The following MITF variants were observed in gnomAD, a reference collection of about 807,000 sequenced individuals.
MITF encodes melanocyte inducing transcription factor, also known as microphthalmia-associated transcription factor.
Under a neutral mutation model 60.5 loss-of-function variants are expected in MITF, and 17 were observed. The observed-to-expected ratio is 0.28, with a 90% CI of 0.19 to 0.42. The LOEUF is 0.42. Among genes scored for constraint, MITF ranks in the 10% least tolerant of loss-of-function variants. The pLI, the probability that MITF is intolerant of heterozygous loss-of-function variation, is 1.00. For synonymous variants in MITF, 260 were observed against 248.5 expected (o/e 1.05, Z -0.43); for missense variants, 622 against 683.5 (o/e 0.91, Z 1.00).
intron 2 of MITF, among the ~76,000 whole-genome samples, chr3:69,931,524 G>A (rs978716250): frequency 6.6e-6 from 1 of 152,128 alleles, no homozygotes; most frequent in African/African-American, 2.4e-5. Flanking sequence ...GACTTGCTGG[G>A]AATTTTTGAT....
intron 1 of MITF, among the ~76,000 whole-genome samples, chr3:69,766,376 ATTTTTTTTTT>A (rs753953309): frequency 0.27 from 25,999 of 95,034 alleles, 2,953 homozygotes; most frequent in East Asian, 0.55. Context: ...TGCCCAGCTA[ATTTTTTTTTT>A]TTTTTTTTTT....
At chr3:69,824,669 G>C (rs1291707552) in intron 1 of MITF, among the ~76,000 whole-genome samples, 3 of 152,200 alleles carry the variant, frequency 2.0e-5, no homozygotes, top group African/African-American at 7.2e-5. Flanking sequence ...CACAGCACTT[G>C]TGGCTTCTCT....
At chr3:69,931,903 T>C (rs1343251203) in intron 2 of MITF, among the ~76,000 whole-genome samples, 1 of 152,212 alleles carries the variant, frequency 6.6e-6, no homozygotes, top group African/African-American at 2.4e-5. Flanking sequence ...TTTCTAACCC[T>C]GGCAAGTTGT....
chr3:69,925,771 C>T (rs2065571794), intron 2 of MITF, among the ~76,000 whole-genome samples: 1 of 152,188 alleles, frequency 6.6e-6, no homozygotes, highest in Non-Finnish European at 1.5e-5. Context: ...TGCTTCCTAC[C>T]TCAGTATCTG....
At chr3:69,875,632 A>G (rs980119487) in intron 1 of MITF, among the ~76,000 whole-genome samples, 1 of 152,248 alleles carries the variant, frequency 6.6e-6, no homozygotes, top group Non-Finnish European at 1.5e-5. Flanking sequence ...TAGTAGCTTC[A>G]GCATCACGTC....
chr3:69,876,825 A>G (rs372910828), intron 1 of MITF, among the ~76,000 whole-genome samples: 5 of 152,332 alleles, frequency 3.3e-5, no homozygotes, highest in African/African-American at 1.2e-4. Flanking sequence ...TCTTCTAGCC[A>G]AATGGTGATT....
intron 2 of MITF, among the ~76,000 whole-genome samples, chr3:69,910,407 G>C (rs898601879): frequency 6.6e-6 from 1 of 152,206 alleles, no homozygotes; most frequent in African/African-American, 2.4e-5. Flanking sequence ...AGAGTCCCTA[G>C]TGGGACACTG....
At chr3:69,837,466 C>T (rs545548864) in intron 1 of MITF, among the ~76,000 whole-genome samples, 4 of 152,120 alleles carry the variant, frequency 2.6e-5, no homozygotes, top group East Asian at 1.9e-4. Flanking sequence ...AATATATGAC[C>T]GAATAAAAGC....
intron 1 of MITF, among the ~76,000 whole-genome samples, chr3:69,816,134 G>C (rs1575758196): frequency 6.6e-6 from 1 of 152,070 alleles, no homozygotes; most frequent in South Asian, 2.1e-4. Flanking sequence ...TCTAGTAGTT[G>C]CTGTTTGCCC....
chr3:69,832,006 A>G (rs1377842164), intron 1 of MITF, among the ~76,000 whole-genome samples: 1 of 152,206 alleles, frequency 6.6e-6, no homozygotes, highest in Non-Finnish European at 1.5e-5. Flanking sequence ...TTACACTTCC[A>G]TCCACAATGC....
intron 1 of MITF, among the ~76,000 whole-genome samples, chr3:69,792,344 C>G (rs976688725): frequency 6.6e-6 from 1 of 152,158 alleles, no homozygotes; most frequent in Non-Finnish European, 1.5e-5. Context: ...ACAACAGATT[C>G]AAGTTTTCCT....
chr3:69,924,911 T>A (rs1321034935), intron 2 of MITF, among the ~76,000 whole-genome samples: 1 of 152,134 alleles, frequency 6.6e-6, no homozygotes, highest in East Asian at 1.9e-4. Context: ...TCACAATCCA[T>A]CTATGATATT....
intron 1 of MITF, among the ~76,000 whole-genome samples, chr3:69,839,262 G>A (rs1333304598): frequency 3.3e-5 from 5 of 151,436 alleles, no homozygotes; most frequent in African/African-American, 9.7e-5. Flanking sequence ...TCTCCAAGCC[G>A]TTACAAATGA....
At chr3:69,888,303 A>T (rs2064671740) in intron 2 of MITF, among the ~76,000 whole-genome samples, 1 of 152,060 alleles carries the variant, frequency 6.6e-6, no homozygotes, top group Non-Finnish European at 1.5e-5. Context: ...TTTTCTGAAC[A>T]CTGCATGGTA....
intron 2 of MITF, among the ~76,000 whole-genome samples, chr3:69,904,738 G>A (rs1015663915): frequency 4.6e-5 from 7 of 151,996 alleles, no homozygotes; most frequent in East Asian, 1.9e-4. Context: ...TCTTAAGACC[G>A]TCCCAGGTAT....
At chr3:69,815,064 T>C (rs1273831153) in intron 1 of MITF, among the ~76,000 whole-genome samples, 1 of 152,056 alleles carries the variant, frequency 6.6e-6, no homozygotes, top group African/African-American at 2.4e-5. Flanking sequence ...TAACCATAAA[T>C]ACAGTGGGGC....
chr3:69,938,492 T>A, intron 3 of MITF: 2 of 1,461,606 alleles, frequency 1.4e-6, no homozygotes, highest in South Asian at 3.0e-5. Context: ...TCTCCCTGAG[T>A]TGGGGGAAGA....
rs552687373 is a variant in MITF at position 69,779,351 on chromosome 3, A to G, written c.104+39650A>G. On this transcript the variant is annotated intron_variant, in intron 1 of 9. Transcript: ENST00000352241. ...ACATACACAAAAATGCCTCTGAAAC[A>G]AGGGTGGCTATGACACACTGAAGGT... 9.8e-5 allele frequency among the ~76,000 whole-genome samples: 15 copies of G among 152,308 alleles called. 1 individual carries two copies. The South Asian group carries it at 3.1e-3, about 32-fold the overall frequency.
In MITF at chr3:69,968,158, A is replaced by T; in HGVS notation, c.*2910A>T. ...CCTATTTCTTGATAAAAAATGACAA[A>T]TGACTGTCTCTTGCGGATGCTTGGT... On this transcript the variant is annotated 3_prime_UTR_variant, in exon 10 of 10. Coordinates refer to ENST00000352241, the MANE Select transcript of MITF (RefSeq NM_001354604.2). The T allele has an allele frequency of 4.3e-6, 1 of 233,120 alleles. No individual in the cohort carries two copies. Among genetic ancestry groups the T allele is most frequent in the South Asian group, 1.8e-4 (1 of 5,520 alleles). 14.4% of individuals were successfully genotyped at this position (233,120 alleles called of 1,614,324 possible).
Sources: allele counts gnomAD v4.1 joint callset (sites outside exome capture counted in the v4.1 genomes callset), GRCh38; gene constraint gnomAD v4.1.1; transcripts MANE v1.5; gene names NCBI Gene and HGNC (gene_info 2026-07-23, HGNC 2026-07-21).